The following TMEM74 variants were observed in gnomAD, a reference collection of about 807,000 sequenced individuals.
TMEM74 encodes the protein transmembrane protein 74.
A neutral mutation model predicts 18.1 loss-of-function variants in TMEM74; 13 were observed. The observed-to-expected ratio is 0.72, with a 90% CI of 0.47 to 1.14. TMEM74 has a LOEUF of 1.14. Ranked by LOEUF, TMEM74 falls within the 50% of genes most tolerant of loss-of-function variation. The probability of loss-of-function intolerance (pLI) is 0.00; values close to 1 mark genes in which losing one functional copy is unlikely to be tolerated. For synonymous variants in TMEM74, 159 were observed against 146.6 expected (o/e 1.08, Z -0.61); for missense variants, 372 against 375.9 (o/e 0.99, Z 0.09).
At chr8:108,719,715 G>A (rs2130630252) in intron 1 of TMEM74, among the ~76,000 whole-genome samples, 1 of 152,210 alleles carries the variant, frequency 6.6e-6, no homozygotes, top group African/African-American at 2.4e-5. Context: ...CTAGTGGGGG[G>A]TGGGGAAAAT....
intron 1 of TMEM74, among the ~76,000 whole-genome samples, chr8:108,746,730 T>A (rs563789181): frequency 1.9e-4 from 29 of 151,390 alleles, no homozygotes; most frequent in Non-Finnish European, 4.4e-5. Context: ...CACTGGGGAG[T>A]GGAGAGGGTC....
intron 2 of TMEM74, among the ~76,000 whole-genome samples, chr8:108,615,427 A>G (rs528932048): frequency 2.6e-5 from 4 of 152,318 alleles, no homozygotes; most frequent in African/African-American, 9.6e-5. Context: ...AAGCCCTTGG[A>G]CAGGAAGAAG....
At chr8:108,674,582 T>C (rs1344081865) in intron 1 of TMEM74, among the ~76,000 whole-genome samples, 1 of 152,228 alleles carries the variant, frequency 6.6e-6, no homozygotes, top group African/African-American at 2.4e-5. Context: ...CAGAAATTTC[T>C]ATAATCGAAC....
At chr8:108,719,407 T>C (rs1314829239) in intron 1 of TMEM74, among the ~76,000 whole-genome samples, 2 of 152,184 alleles carry the variant, frequency 1.3e-5, no homozygotes, top group South Asian at 2.1e-4. Context: ...TCTTCTATTT[T>C]GGCAGCTCTG....
Position 108,647,991 on chromosome 8 carries a change from C to T in TMEM74, n.264+7302G>A, listed in dbSNP as rs552096590. On this transcript the variant is annotated intron_variant and non_coding_transcript_variant, in intron 2 of 3. Transcript: ENST00000518838. Reference sequence around the variant, plus strand: ...GATAATGCATTTTGAGCATTCTAGGCAAGGGAAATAGCCATGCAAAGACCT... The same window carrying T: ...GATAATGCATTTTGAGCATTCTAGGTAAGGGAAATAGCCATGCAAAGACCT... 6.6e-5 allele frequency among the ~76,000 whole-genome samples: 10 copies of T among 152,174 alleles called. No homozygotes were observed. The East Asian group carries it at 1.9e-3, about 29-fold the overall frequency.
At chr8:108,754,741 C>T (rs1371251740) in intron 1 of TMEM74, among the ~76,000 whole-genome samples, 2 of 151,596 alleles carry the variant, frequency 1.3e-5, no homozygotes, top group Non-Finnish European at 2.9e-5. Flanking sequence ...GTTATGGAGG[C>T]TAAGTTCCAC....
intron 1 of TMEM74, among the ~76,000 whole-genome samples, chr8:108,708,499 C>T (rs749556816): frequency 4.6e-5 from 7 of 152,086 alleles, no homozygotes; most frequent in Non-Finnish European, 8.8e-5. Context: ...TATACTACCA[C>T]CCTTTTCTCC....
intron 1 of TMEM74, among the ~76,000 whole-genome samples, chr8:108,741,064 AT>A (rs1012790075): frequency 2.5e-4 from 38 of 152,258 alleles, no homozygotes; most frequent in Admixed American, 5.9e-4. Flanking sequence ...ATAAAATTGA[AT>A]TTTTTTTAAA....
chr8:108,646,676 G>A (rs943325030), intron 2 of TMEM74, among the ~76,000 whole-genome samples: 2 of 152,040 alleles, frequency 1.3e-5, no homozygotes, highest in African/African-American at 4.8e-5. Flanking sequence ...AAATATTCAG[G>A]CATTAACAGT....
chr8:108,707,410 A>G (rs1813427434), intron 1 of TMEM74, among the ~76,000 whole-genome samples: 2 of 152,132 alleles, frequency 1.3e-5, no homozygotes, highest in African/African-American at 2.4e-5. Context: ...CATGGTGGAA[A>G]TCACATTCTA....
In TMEM74 at chr8:108,784,573, A is replaced by G. The variant is rs777668888; in HGVS notation, c.526T>C (p.Tyr176His). The G allele has an allele frequency of 4.4e-5, 71 of 1,614,024 alleles. No homozygotes were observed. The highest frequency in any genetic ancestry group is 5.6e-5 in the Non-Finnish European group (66 of 1,180,044). Residue 176 changes from tyrosine (Y) to histidine (H), a missense_variant, in exon 2 of 2, where the codon TAT (tyrosine) becomes CAT (histidine). By Grantham distance (83) the Tyr-to-His change is moderately conservative. Coordinates refer to ENST00000297459, the MANE Select transcript of TMEM74 (RefSeq NM_153015.3). ...EATSSGKSIDYGFISAILFLV... is the reference protein window; with the variant it reads ...EATSSGKSIDHGFISAILFLV... ...AACAAGATGGCGCTGATGAAACCAT[A>G]GTCTATAGACTTCCCTGAAGACGTG...
chr8:108,705,160 C>T (rs1813384956), intron 1 of TMEM74, among the ~76,000 whole-genome samples: 1 of 152,124 alleles, frequency 6.6e-6, no homozygotes, highest in South Asian at 2.1e-4. Context: ...CTTTTCTTTA[C>T]TGAGTATCTG....
At chr8:108,688,375 C>A (rs1218233740) in intron 1 of TMEM74, among the ~76,000 whole-genome samples, 2 of 152,194 alleles carry the variant, frequency 1.3e-5, no homozygotes, top group East Asian at 3.9e-4. Context: ...CACGCTCAGT[C>A]CAATCAAGGA....
chr8:108,691,341 C>A (rs1042993222), intron 1 of TMEM74, among the ~76,000 whole-genome samples: 3 of 152,136 alleles, frequency 2.0e-5, no homozygotes, highest in Non-Finnish European at 2.9e-5. Context: ...AGAAAACTGC[C>A]AGTGGGTTTC....
intron 1 of TMEM74, among the ~76,000 whole-genome samples, chr8:108,661,839 G>A (rs1201431357): frequency 6.6e-5 from 10 of 152,100 alleles, no homozygotes; most frequent in Admixed American, 2.0e-4. Context: ...AGACAAGCTG[G>A]AAAGGACCTT....
At chr8:108,698,884 T>G (rs148482365) in intron 1 of TMEM74, among the ~76,000 whole-genome samples, 1 of 152,292 alleles carries the variant, frequency 6.6e-6, no homozygotes, top group African/African-American at 2.4e-5. Context: ...AGCCTCATTC[T>G]ATAAATCCCT....
intron 2 of TMEM74, among the ~76,000 whole-genome samples, chr8:108,628,751 G>A (rs911342099): frequency 1.3e-5 from 2 of 151,928 alleles, no homozygotes; most frequent in African/African-American, 4.8e-5. Context: ...TTCCACCAAA[G>A]GTATAAAAAC....
At chr8:108,674,810 C>T (rs550103556) in intron 1 of TMEM74, among the ~76,000 whole-genome samples, 2 of 152,318 alleles carry the variant, frequency 1.3e-5, no homozygotes, top group African/African-American at 4.8e-5. Context: ...AGTTGTGCTG[C>T]AGACAATCTG....
chr8:108,715,104 C>G (rs1038693599), intron 1 of TMEM74, among the ~76,000 whole-genome samples: 2 of 152,114 alleles, frequency 1.3e-5, no homozygotes, highest in African/African-American at 4.8e-5. Flanking sequence ...GTGTTTCTAT[C>G]TATATTACCT....
Sources: allele counts gnomAD v4.1 joint callset (sites outside exome capture counted in the v4.1 genomes callset), GRCh38; gene constraint gnomAD v4.1.1; transcripts MANE v1.5; gene names NCBI Gene and HGNC (gene_info 2026-07-23, HGNC 2026-07-21).